Variants in DGKD observed in about 807,000 individuals in gnomAD.
DGKD encodes the protein diacylglycerol kinase delta, also known as DAG kinase delta.
Under a neutral mutation model 154.4 loss-of-function variants are expected in DGKD, and 68 were observed. The observed-to-expected ratio is 0.44, with a 90% CI of 0.36 to 0.54. DGKD has a LOEUF of 0.54. Ranked by LOEUF, DGKD falls within the 20% of genes least tolerant of loss-of-function variation. The pLI, the probability that DGKD is intolerant of heterozygous loss-of-function variation, is 0.00. For synonymous variants in DGKD, 693 were observed against 638.0 expected (o/e 1.09, Z -1.30); for missense variants, 1,343 against 1,593.6 (o/e 0.84, Z 2.68).
intron 3 of DGKD, among the ~76,000 whole-genome samples, chr2:233,391,366 C>T (rs1181967778): frequency 6.6e-6 from 1 of 152,048 alleles, no homozygotes; most frequent in Non-Finnish European, 1.5e-5. Context: ...CCTACATGTA[C>T]CCATGAGATC....
intron 3 of DGKD, among the ~76,000 whole-genome samples, chr2:233,398,657 C>T (rs963859382): frequency 2.6e-5 from 4 of 152,172 alleles, no homozygotes; most frequent in Non-Finnish European, 5.9e-5. Context: ...GACAGTCTCA[C>T]TGTGTCGCCC....
intron 3 of DGKD, among the ~76,000 whole-genome samples, chr2:233,420,367 G>C (rs2125542840): frequency 6.6e-6 from 1 of 151,972 alleles, no homozygotes; most frequent in Middle Eastern, 3.4e-3. Context: ...CATTCAAAAA[G>C]TAACACATGA....
intron 17 of DGKD, among the ~76,000 whole-genome samples, chr2:233,451,283 A>T (rs552924388): frequency 2.1e-4 from 31 of 149,378 alleles, no homozygotes; most frequent in Non-Finnish European, 3.6e-4. Flanking sequence ...GGAGCCCAGG[A>T]GGCGCCATTG....
intron 10 of DGKD, among the ~76,000 whole-genome samples, chr2:233,444,758 G>A (rs570395793): frequency 6.0e-5 from 9 of 151,080 alleles, no homozygotes; most frequent in African/African-American, 1.7e-4. Context: ...CCCCACAGGC[G>A]GCAGGGCCTC....
At chr2:233,462,970 C>T (rs934857560) in intron 26 of DGKD, among the ~76,000 whole-genome samples, 3 of 152,212 alleles carry the variant, frequency 2.0e-5, no homozygotes, top group African/African-American at 4.8e-5. Flanking sequence ...CCCTTGTCGT[C>T]GTGGACAGAA....
chr2:233,398,183 C>T (rs910602461), intron 3 of DGKD, among the ~76,000 whole-genome samples: 3 of 147,406 alleles, frequency 2.0e-5, no homozygotes, highest in Non-Finnish European at 4.4e-5. Flanking sequence ...CGCTCTGTTG[C>T]CCAGGCTGGA....
At chr2:233,424,165 T>C (rs375135352) in intron 3 of DGKD, among the ~76,000 whole-genome samples, 4 of 152,222 alleles carry the variant, frequency 2.6e-5, no homozygotes, top group South Asian at 4.1e-4. Flanking sequence ...TTAATTACTC[T>C]TAGGCCCTTT....
chr2:233,453,856 G>A (rs372457279), intron 18 of DGKD, among the ~76,000 whole-genome samples: 4 of 152,302 alleles, frequency 2.6e-5, no homozygotes, highest in African/African-American at 9.6e-5. Context: ...CTCGTCTGTC[G>A]CACACGGGGA....
chr2:233,446,453 C>T (rs946147676), intron 11 of DGKD, among the ~76,000 whole-genome samples: 8 of 152,234 alleles, frequency 5.3e-5, no homozygotes, highest in African/African-American at 7.2e-5. Context: ...ATCCATTTCT[C>T]CCAGAAGCAG....
At chr2:233,435,995 C>T (rs2062680953) in intron 6 of DGKD, 71 bp downstream of exon 6, 2 of 1,344,534 alleles carry the variant, frequency 1.5e-6, no homozygotes, top group African/African-American at 1.5e-5. Flanking sequence ...ATGCAAGCCT[C>T]CTCCCTGCCC....
In DGKD at chr2:233,458,184, G is replaced by A; in HGVS notation, c.2581-100G>A. The A allele has an allele frequency of 1.4e-6, 1 of 695,520 alleles. No homozygotes were observed. The highest frequency in any genetic ancestry group is 2.3e-5 in the Admixed American group (1 of 44,178). 43.1% of individuals were successfully genotyped at this position (695,520 alleles called of 1,614,324 possible). A position where few individuals can be genotyped will look rare whatever the true frequency, so the allele number is the denominator to read the frequency against. On this transcript the variant is annotated intron_variant, in intron 21 of 29. Transcript: ENST00000264057. This position sits in a 1 kb window ranked among gnomAD's most constrained non-coding sequence, Gnocchi z 6.6. ...GCAGTTACCTGGTAACTTCTCGCCA[G>A]CTAGGAGGGGCTGACCCCCAGAGGG... is the stretch of plus-strand genomic sequence containing the variant.
intron 1 of DGKD, among the ~76,000 whole-genome samples, chr2:233,366,958 T>C (rs1045108760): frequency 6.6e-6 from 1 of 152,200 alleles, no homozygotes; most frequent in Non-Finnish European, 1.5e-5. Flanking sequence ...GAGGATATTT[T>C]CTTATATAAC....
chr2:233,358,947 C>A (rs1276225968), intron 1 of DGKD, among the ~76,000 whole-genome samples: 1 of 152,162 alleles, frequency 6.6e-6, no homozygotes, highest in East Asian at 1.9e-4. Context: ...TATGGTAATA[C>A]TACCGGACTA....
Position 233,435,932 on chromosome 2 carries a change from A to G in DGKD, c.693+8A>G. ...ATTGAAGATGCAGATGGGGTATGTT[A>G]AGAAATACCACCTGTGGGGCCCTGA... On this transcript the variant is annotated splice_region_variant and intron_variant, in intron 6 of 29. Transcript: ENST00000264057. The G allele has an allele frequency of 6.2e-7, 1 of 1,600,648 alleles. No individual in the cohort carries two copies. The highest frequency in any genetic ancestry group is 8.5e-7 in the Non-Finnish European group (1 of 1,172,898).
In DGKD at chr2:233,440,555, G is replaced by A. The variant is rs1055112964; in HGVS notation, c.1086-1332G>A. 2.6e-5 allele frequency among the ~76,000 whole-genome samples: 4 copies of A among 152,172 alleles called. No individual in the cohort carries two copies. Among genetic ancestry groups the A allele is most frequent in the African/African-American group, 4.8e-5 (2 of 41,436 alleles). On this transcript the variant is annotated intron_variant, in intron 9 of 29. Coordinates refer to ENST00000264057, the MANE Select transcript of DGKD (RefSeq NM_152879.3). This position sits in a 1 kb window ranked among gnomAD's most constrained non-coding sequence, Gnocchi z 4.9. ...TCCACGTCTCCCCGAGCTGGCATCC[G>A]AGGAGCTCTAGTGTTCTGAAGGCTG...
chr2:233,376,035 G>A (rs897879667), intron 1 of DGKD, among the ~76,000 whole-genome samples: 1 of 152,152 alleles, frequency 6.6e-6, no homozygotes, highest in Non-Finnish European at 1.5e-5. Context: ...TCGATAGGGA[G>A]ATGGATTTTG....
chr2:233,398,380 C>T (rs994647042), intron 3 of DGKD, among the ~76,000 whole-genome samples: 15 of 151,966 alleles, frequency 9.9e-5, no homozygotes, highest in South Asian at 2.1e-4. Context: ...CTCCTGACCT[C>T]GTGATCCGCC....
intron 1 of DGKD, among the ~76,000 whole-genome samples, chr2:233,364,069 A>G (rs1701915567): frequency 3.3e-5 from 5 of 152,222 alleles, no homozygotes; most frequent in Admixed American, 3.3e-4. Context: ...CAGCCTGGGC[A>G]ACAGAGCGAG....
At chr2:233,360,385 G>A (rs1701723889) in intron 1 of DGKD, among the ~76,000 whole-genome samples, 2 of 152,094 alleles carry the variant, frequency 1.3e-5, no homozygotes, top group South Asian at 4.1e-4. Flanking sequence ...TGAGTAGCTG[G>A]GACTCCAGAT....
Sources: allele counts gnomAD v4.1 joint callset (sites outside exome capture counted in the v4.1 genomes callset), GRCh38; gene constraint gnomAD v4.1.1; non-coding constraint Gnocchi (gnomAD v3.1); transcripts MANE v1.5; gene names NCBI Gene and HGNC (gene_info 2026-07-23, HGNC 2026-07-21).